The following NOS1AP variants were observed in gnomAD, a reference collection of about 807,000 sequenced individuals.
The protein encoded by NOS1AP is nitric oxide synthase 1 adaptor protein.
In NOS1AP, 21 loss-of-function variants were observed where a neutral mutation model predicts 56.2. The ratio of observed to expected loss-of-function variants is 0.37; its 90% CI spans 0.26 to 0.54. The LOEUF is 0.54. Ranked by LOEUF, NOS1AP falls within the 20% of genes least tolerant of loss-of-function variation. The pLI is 0.84. For synonymous variants in NOS1AP, 270 were observed against 274.6 expected (o/e 0.98, Z 0.17); for missense variants, 522 against 657.8 (o/e 0.79, Z 2.26).
At chr1:162,175,916 C>G (rs774049477) in intron 2 of NOS1AP, among the ~76,000 whole-genome samples, 40 of 152,104 alleles carry the variant, frequency 2.6e-4, no homozygotes, top group Non-Finnish European at 5.9e-5. Context: ...TTCCAGTGTA[C>G]GCGTACAGTA....
At chr1:162,084,763 C>T (rs944423067) in intron 1 of NOS1AP, among the ~76,000 whole-genome samples, 1 of 152,060 alleles carries the variant, frequency 6.6e-6, no homozygotes, top group African/African-American at 2.4e-5. Context: ...ACTGATGAAG[C>T]CTCAACCTCC....
At chr1:162,221,981 T>C (rs1392424334) in intron 2 of NOS1AP, among the ~76,000 whole-genome samples, 1 of 152,210 alleles carries the variant, frequency 6.6e-6, no homozygotes, top group Non-Finnish European at 1.5e-5. Context: ...ATTCTCCCAT[T>C]GAATATTTGT....
At chr1:162,231,842 A>T (rs955881708) in intron 2 of NOS1AP, among the ~76,000 whole-genome samples, 2 of 152,206 alleles carry the variant, frequency 1.3e-5, no homozygotes, top group Non-Finnish European at 2.9e-5. Context: ...AAAGTTACGA[A>T]AATTTTAGGA....
intron 1 of NOS1AP, among the ~76,000 whole-genome samples, chr1:162,149,824 T>A (rs996402678): frequency 6.6e-6 from 1 of 152,250 alleles, no homozygotes; most frequent in Non-Finnish European, 1.5e-5. Flanking sequence ...TATTTTATTT[T>A]AAAAAATTTA....
intron 2 of NOS1AP, among the ~76,000 whole-genome samples, chr1:162,273,788 TTGTG>T (rs149719333): frequency 0.025 from 3,821 of 152,366 alleles, 68 homozygotes; most frequent in Non-Finnish European, 0.038. Flanking sequence ...CTTTCAAGTT[TTGTG>T]TGTATCAGTA....
chr1:162,279,706 A>G (rs1654857310), intron 2 of NOS1AP, among the ~76,000 whole-genome samples: 2 of 152,110 alleles, frequency 1.3e-5, no homozygotes, highest in African/African-American at 2.4e-5. Flanking sequence ...GCTTTCTGTT[A>G]TAAAATGGGG....
At chr1:162,074,794 G>C (rs1691734418) in intron 1 of NOS1AP, among the ~76,000 whole-genome samples, 1 of 152,158 alleles carries the variant, frequency 6.6e-6, no homozygotes, top group Non-Finnish European at 1.5e-5. Flanking sequence ...GTTCAAGAAG[G>C]CTTCACTCAT....
intron 4 of NOS1AP, among the ~76,000 whole-genome samples, chr1:162,305,387 A>G (rs1347066907): frequency 7.1e-6 from 1 of 140,208 alleles, no homozygotes; most frequent in Non-Finnish European, 1.6e-5. Context: ...AATTCCTCCT[A>G]TTTTTTTTTT....
chr1:162,219,321 A>G (rs1465870354), intron 2 of NOS1AP, among the ~76,000 whole-genome samples: 5 of 152,336 alleles, frequency 3.3e-5, no homozygotes, highest in Admixed American at 6.5e-5. Context: ...AGGGGAAGCT[A>G]GACTTAAACC....
chr1:162,326,750 G>A (rs1656602576), intron 4 of NOS1AP, among the ~76,000 whole-genome samples: 1 of 152,178 alleles, frequency 6.6e-6, no homozygotes, highest in African/African-American at 2.4e-5. Context: ...CCAGCTCAAA[G>A]CAATCAGGCA....
chr1:162,148,691 G>A (rs1649583927), intron 1 of NOS1AP, among the ~76,000 whole-genome samples: 1 of 152,200 alleles, frequency 6.6e-6, no homozygotes. Flanking sequence ...AGCAAGTGTG[G>A]GAGGTTCTTA....
chr1:162,194,300 G>A (rs773082724), intron 2 of NOS1AP, among the ~76,000 whole-genome samples: 3 of 152,084 alleles, frequency 2.0e-5, no homozygotes, highest in Non-Finnish European at 1.5e-5. Context: ...CCTTGGCTGC[G>A]ATGAGTTTGC....
At chr1:162,317,456 C>A (rs1656267735) in intron 4 of NOS1AP, 1 of 152,188 alleles carries the variant, frequency 6.6e-6, no homozygotes, top group Non-Finnish European at 1.5e-5. Flanking sequence ...ACCTAAATTT[C>A]TCTTGATTAC....
chr1:162,070,415 G>A, intron 1 of NOS1AP, 133 bp downstream of exon 1: 4 of 709,944 alleles, frequency 5.6e-6, no homozygotes, highest in South Asian at 4.8e-5. Context: ...TCTTAGGGAG[G>A]GTAACTCTCC....
At chr1:162,311,224 C>T (rs1656015957) in intron 4 of NOS1AP, among the ~76,000 whole-genome samples, 1 of 152,178 alleles carries the variant, frequency 6.6e-6, no homozygotes, top group South Asian at 2.1e-4. Context: ...CCAGCACATT[C>T]CTCTGTTCTT....
chr1:162,354,284 G>T (rs1018937719), intron 6 of NOS1AP, among the ~76,000 whole-genome samples: 1 of 152,126 alleles, frequency 6.6e-6, no homozygotes, highest in African/African-American at 2.4e-5. Context: ...ATTTAAAGAC[G>T]GCAGTAATTA....
intron 2 of NOS1AP, among the ~76,000 whole-genome samples, chr1:162,210,045 T>C (rs894350431): frequency 6.6e-6 from 1 of 152,200 alleles, no homozygotes; most frequent in East Asian, 1.9e-4. Context: ...ATATTTTTGT[T>C]AATTTTTCCT....
At chr1:162,107,874 AT>A (rs1647572831) in intron 1 of NOS1AP, among the ~76,000 whole-genome samples, 1 of 152,192 alleles carries the variant, frequency 6.6e-6, no homozygotes, top group South Asian at 2.1e-4. Context: ...TGGTGTTGGT[AT>A]TCTGAGATTC....
intron 2 of NOS1AP, among the ~76,000 whole-genome samples, chr1:162,235,699 G>C (rs1211033926): frequency 1.3e-5 from 2 of 152,192 alleles, no homozygotes; most frequent in Non-Finnish European, 2.9e-5. Flanking sequence ...CATCACTAGA[G>C]GCCAAGGGGC....
Sources: gnomAD v4.1 joint callset for allele counts (sites outside exome capture counted in the v4.1 genomes callset) on GRCh38, gnomAD v4.1.1 for gene constraint, MANE v1.5 for transcripts, NCBI Gene and HGNC (gene_info 2026-07-23, HGNC 2026-07-21) for gene names.